ARHGEF10: variants seen among roughly 807,000 people sequenced by gnomAD.
ARHGEF10 encodes Rho guanine nucleotide exchange factor 10, also known as Rho guanine nucleotide exchange factor (GEF) 10.
Under a neutral mutation model 147.4 loss-of-function variants are expected in ARHGEF10, and 140 were observed. The ratio of observed to expected loss-of-function variants is 0.95; its 90% confidence interval spans 0.83 to 1.09. The LOEUF (loss-of-function observed/expected upper bound fraction) is 1.09. Among genes scored for constraint, ARHGEF10 ranks in the 50% least tolerant of loss-of-function variants. The pLI, the probability that ARHGEF10 is intolerant of heterozygous loss-of-function variation, is 0.00. For missense variants in ARHGEF10, 2,222 were observed against 1,752.7 expected (o/e 1.27, Z -4.78); for synonymous variants, 902 against 695.8 (o/e 1.30, Z -4.67).
intron 17 of ARHGEF10, among the ~76,000 whole-genome samples, chr8:1,909,089 A>G (rs147851010): frequency 1.3e-5 from 2 of 152,102 alleles, no homozygotes; most frequent in African/African-American, 2.4e-5. Flanking sequence ...TCTTCCCTGC[A>G]CTCTCTCTCA....
chr8:1,908,512 G>A lies in ARHGEF10; in HGVS notation c.1968-783G>A, dbSNP rs566130949. 1.1e-3 allele frequency among the ~76,000 whole-genome samples: 167 copies of A among 152,250 alleles called. No individual in the cohort carries two copies. In the East Asian group the frequency reaches 0.011, roughly 10 times the overall value. ...CTCCCAAAGTGCTGGGATTACAGGC[G>A]TGAGCCACCGCGCCCGGCCCACACT... is the stretch of plus-strand genomic sequence containing the variant. On this transcript the variant is annotated intron_variant, in intron 17 of 28. Transcript: ENST00000349830.
At chr8:1,892,428 G>T (rs1354250375) in intron 11 of ARHGEF10, among the ~76,000 whole-genome samples, 1 of 151,862 alleles carries the variant, frequency 6.6e-6, no homozygotes, top group African/African-American at 2.4e-5. Flanking sequence ...TTTGTCTTTT[G>T]CGAATAGAAT....
intron 15 of ARHGEF10, among the ~76,000 whole-genome samples, chr8:1,900,345 C>T (rs761385290): frequency 4.3e-4 from 66 of 152,156 alleles, no homozygotes; most frequent in Non-Finnish European, 8.5e-4. Flanking sequence ...CTTCAGCCGT[C>T]CTGGGGAGGT....
intron 27 of ARHGEF10, among the ~76,000 whole-genome samples, chr8:1,949,804 G>A (rs778134658): frequency 2.0e-5 from 3 of 152,152 alleles, no homozygotes; most frequent in Non-Finnish European, 4.4e-5. Context: ...AGCCTTTCTC[G>A]GTGGCCGGTG....
At chr8:1,911,045 G>A (rs1482040393) in intron 18 of ARHGEF10, among the ~76,000 whole-genome samples, 1 of 152,234 alleles carries the variant, frequency 6.6e-6, no homozygotes, top group Non-Finnish European at 1.5e-5. Context: ...ATAACCTGGA[G>A]TGAGTTTATC....
intron 11 of ARHGEF10, among the ~76,000 whole-genome samples, chr8:1,893,319 T>C (rs576313308): frequency 1.1e-4 from 16 of 152,204 alleles, no homozygotes; most frequent in Non-Finnish European, 1.8e-4. Flanking sequence ...GGAATTTCTT[T>C]TCAGTGCTGT....
chr8:1,861,089 C>T (rs770000299), intron 4 of ARHGEF10, among the ~76,000 whole-genome samples: 5 of 152,168 alleles, frequency 3.3e-5, no homozygotes, highest in Non-Finnish European at 5.9e-5. Context: ...TGGGTGCCCT[C>T]GTGGGTGCCT....
chr8:1,935,928 A>C (rs543255091), intron 26 of ARHGEF10, among the ~76,000 whole-genome samples: 1 of 152,300 alleles, frequency 6.6e-6, no homozygotes, highest in East Asian at 1.9e-4. Flanking sequence ...GCTCACTCCG[A>C]GGGAGGCTGT....
rs144607431 is a variant in ARHGEF10 at position 1,863,591 on chromosome 8, C to T, written c.482-782C>T. On this transcript the variant is annotated intron_variant, in intron 4 of 28. Coordinates refer to ENST00000349830, the MANE Select transcript of ARHGEF10 (RefSeq NM_014629.4). Reference sequence around the variant, plus strand: ...GGGCGGTGGCAGATTCGTCAAGGGACCACGTGGCCCGCACCCACGCAGTAC... The same window carrying T: ...GGGCGGTGGCAGATTCGTCAAGGGATCACGTGGCCCGCACCCACGCAGTAC... Among the ~76,000 whole-genome samples the T allele has an allele frequency of 3.9e-5, 6 of 152,300 alleles. No homozygotes were observed. In the East Asian group the frequency reaches 1.2e-3, roughly 30 times the overall value.
chr8:1,826,168 G>A, intron 1 of ARHGEF10: 1 of 1,569,784 alleles, frequency 6.4e-7, no homozygotes, highest in Non-Finnish European at 8.6e-7. Context: ...GGTGCTATTT[G>A]TAATTCATTA....
chr8:1,898,673 A>G, intron 15 of ARHGEF10, 148 bp downstream of exon 15: 2 of 859,974 alleles, frequency 2.3e-6, no homozygotes, highest in Non-Finnish European at 3.8e-6. Context: ...TGGAGGGTAG[A>G]GGCAGGTGGA....
chr8:1,858,128 G>T lies in ARHGEF10; in HGVS notation c.193+13G>T. 6.2e-7 allele frequency: 1 copy of T among 1,612,278 alleles called. No individual in the cohort carries two copies. Among genetic ancestry groups the T allele is most frequent in the East Asian group, 2.2e-5 (1 of 44,848 alleles). ...CCTGCACCCACAGGTGAGTTTCCAG[G>T]AGGGTCCCCAGGTGAGTCCCCAGGT... On this transcript the variant is annotated intron_variant, in intron 3 of 28. Coordinates refer to ENST00000349830, the MANE Select transcript of ARHGEF10 (RefSeq NM_014629.4).
At chr8:1,900,577 G>A (rs2129169724) in intron 15 of ARHGEF10, among the ~76,000 whole-genome samples, 1 of 152,310 alleles carries the variant, frequency 6.6e-6, no homozygotes, top group South Asian at 2.1e-4. Flanking sequence ...TGCGCTGTCG[G>A]ACGGGCATGG....
rs749787442 is a variant in ARHGEF10, at chr8:1,919,626, CAG to C, written c.2144-3335_2144-3334del. Among the ~76,000 whole-genome samples, 155 of 126,804 alleles carry C rather than the reference CAG, an allele frequency of 1.2e-3. 2 individuals carry two copies. The highest frequency in any genetic ancestry group is 2.0e-3 in the Non-Finnish European group (126 of 62,618). The allele number at this position is 126,804 out of a possible 152,430, so 83.2% of individuals were successfully genotyped here. A position where few individuals can be genotyped will look rare whatever the true frequency, so the allele number is the denominator to read the frequency against. On this transcript the variant is annotated intron_variant, in intron 18 of 28. Transcript: ENST00000349830. ...GGTGATAAACTGTTCTGTCAAGTGACAGAGCTGTTCTGTGGGTGATGAGCTGT... is the reference window on the plus strand; with the variant it reads ...GGTGATAAACTGTTCTGTCAAGTGACAGCTGTTCTGTGGGTGATGAGCTGT...
Position 1,873,548 on chromosome 8 carries a change from TAGTTGCCTTGAGAGGTGC to T in ARHGEF10, c.680-3022_680-3005del. ...CGCGGGGTAGTGCACCCGCATTTCC[TAGTTGCCTTGAGAGGTGC>T]CGCGGGGTAGTGCACCCGCATTTCC... is the stretch of plus-strand genomic sequence containing the variant. On this transcript the variant is annotated intron_variant, in intron 7 of 28. Transcript: ENST00000349830. Among the ~76,000 whole-genome samples the T allele has an allele frequency of 3.0e-5, 3 of 100,514 alleles. 1 individual carries two copies. In the South Asian group the frequency reaches 9.9e-4, roughly 33 times the overall value. The allele number at this position is 100,514 out of a possible 152,430, so 65.9% of individuals were successfully genotyped here.
rs1350001591 is a variant in ARHGEF10, at chr8:1,948,824, G to T, written c.3397+3169G>T. On this transcript the variant is annotated intron_variant, in intron 27 of 28. Transcript: ENST00000349830. This position sits in a 1 kb window ranked among gnomAD's most constrained non-coding sequence, Gnocchi z 4.9. ...TTTCATGCTGTATTTAGACATTCCG[G>T]TGGGGGCATGCTCATACCGTGCTGA... Among the ~76,000 whole-genome samples, 2 of 152,090 alleles carry T rather than the reference G, an allele frequency of 1.3e-5. No homozygotes were observed. Among genetic ancestry groups the T allele is most frequent in the African/African-American group, 4.8e-5 (2 of 41,404 alleles).
At chr8:1,843,083 T>C (rs10103393) in intron 1 of ARHGEF10, among the ~76,000 whole-genome samples, 83,360 of 152,154 alleles carry the variant, frequency 0.55, 23,404 homozygotes, top group Non-Finnish European at 0.61. Flanking sequence ...AGGGCCTGGC[T>C]GGCGAATCCA....
At chr8:1,881,359 C>T (rs192933847) in intron 9 of ARHGEF10, among the ~76,000 whole-genome samples, 1 of 152,152 alleles carries the variant, frequency 6.6e-6, no homozygotes, top group Admixed American at 6.5e-5. Flanking sequence ...CCCTGAACGG[C>T]GCTGGCTGAA....
intron 2 of ARHGEF10, among the ~76,000 whole-genome samples, chr8:1,857,015 G>T (rs1330628442): frequency 6.6e-6 from 1 of 152,168 alleles, no homozygotes; most frequent in Non-Finnish European, 1.5e-5. Context: ...TGATGCACAC[G>T]GCAGGCTGCG....
Sources: allele counts gnomAD v4.1 joint callset (sites outside exome capture counted in the v4.1 genomes callset), GRCh38; gene constraint gnomAD v4.1.1; non-coding constraint Gnocchi (gnomAD v3.1); transcripts MANE v1.5; gene names NCBI Gene and HGNC (gene_info 2026-07-23, HGNC 2026-07-21).